Variants in EYS observed in about 807,000 individuals in gnomAD.
EYS encodes the protein protein eyes shut homolog.
In EYS, 250 loss-of-function variants were observed where a neutral mutation model predicts 282.1. That is an observed-to-expected ratio of 0.89 (90% CI 0.80 to 0.98). The LOEUF (loss-of-function observed/expected upper bound fraction) is 0.98. Among genes scored for constraint, EYS ranks in the 50% least tolerant of loss-of-function variants. The probability of loss-of-function intolerance (pLI) is 0.00; values close to 1 mark genes in which losing one functional copy is unlikely to be tolerated. For synonymous variants in EYS, 1,355 were observed against 1,282.9 expected, an observed-to-expected ratio of 1.06 and a Z score of -1.20; for missense variants, 4,016 against 3,709.0, an observed-to-expected ratio of 1.08 and a Z score of -2.15.
At chr6:65,472,576 T>C (rs996839862) in intron 5 of EYS, among the ~76,000 whole-genome samples, 60 of 152,112 alleles carry the variant, frequency 3.9e-4, no homozygotes, top group Non-Finnish European at 1.2e-4. Flanking sequence ...CAGTAAAGTA[T>C]AGGATCCAAT....
chr6:64,125,785 C>CAAA (rs920132590), intron 31 of EYS, among the ~76,000 whole-genome samples: 636 of 49,930 alleles, frequency 0.013, 17 homozygotes, highest in African/African-American at 0.037. Flanking sequence ...GACTCCGTCT[C>CAAA]AAAAAAAAAA....
At chr6:64,611,889 C>A (rs984730267) in intron 24 of EYS, among the ~76,000 whole-genome samples, 1 of 152,016 alleles carries the variant, frequency 6.6e-6, no homozygotes, top group Non-Finnish European at 1.5e-5. Context: ...AAGAGCATTA[C>A]GAGTTTGTCT....
At chr6:65,459,563 G>A (rs922946966) in intron 5 of EYS, among the ~76,000 whole-genome samples, 19 of 151,952 alleles carry the variant, frequency 1.3e-4, no homozygotes, top group African/African-American at 4.3e-4. Context: ...TTTAATGAAT[G>A]AAAAGATAAA....
chr6:64,117,380 G>A (rs1221931075), intron 31 of EYS, among the ~76,000 whole-genome samples: 1 of 146,836 alleles, frequency 6.8e-6, no homozygotes, highest in Non-Finnish European at 1.5e-5. Flanking sequence ...CAGAAATGAA[G>A]GAAATAGAAA....
chr6:64,230,199 G>T (rs1003046698), intron 31 of EYS, among the ~76,000 whole-genome samples: 4 of 151,972 alleles, frequency 2.6e-5, no homozygotes, highest in African/African-American at 9.7e-5. Context: ...ATGAGGATTT[G>T]CATATGAAGT....
intron 6 of EYS, among the ~76,000 whole-genome samples, chr6:65,403,695 A>G (rs905853395): frequency 6.6e-6 from 1 of 151,994 alleles, no homozygotes; most frequent in African/African-American, 2.4e-5. Context: ...AATAATGAGA[A>G]TATTAAATAG....
intron 29 of EYS, among the ~76,000 whole-genome samples, chr6:64,349,026 C>T (rs1226870856): frequency 2.0e-5 from 3 of 151,334 alleles, no homozygotes; most frequent in Non-Finnish European, 4.4e-5. Flanking sequence ...AGACTGAATA[C>T]AGTATTCCAT....
At chr6:64,022,733 C>A (rs553691489) in intron 33 of EYS, among the ~76,000 whole-genome samples, 36 of 152,316 alleles carry the variant, frequency 2.4e-4, no homozygotes, top group Admixed American at 1.1e-3. Flanking sequence ...TGCTGTGACT[C>A]TAAGAATAGT....
chr6:64,562,023 G>C (rs1469498972), intron 26 of EYS, among the ~76,000 whole-genome samples: 3 of 150,592 alleles, frequency 2.0e-5, no homozygotes, highest in African/African-American at 7.3e-5. Context: ...AACCAAAACA[G>C]CATGGTACTA....
At position 64,830,475 on chromosome 6, in the gene EYS, A is replaced by G. The variant is rs545235109; in HGVS notation, c.2993-7653T>C. Among the ~76,000 whole-genome samples the G allele has an allele frequency of 9.4e-4, 143 of 152,148 alleles. 1 individual carries two copies. The highest frequency in any genetic ancestry group is 3.2e-3 in the African/African-American group (131 of 41,558). On this transcript the variant is annotated intron_variant, in intron 19 of 42. Transcript: ENST00000503581. ...TCATTCATGAACAAACAAAAAAGTC[A>G]TAGCCTTACTAGGAGATTAACTGTC...
chr6:63,791,287 C>T (rs749991915), intron 37 of EYS, among the ~76,000 whole-genome samples: 4 of 151,874 alleles, frequency 2.6e-5, no homozygotes, highest in Admixed American at 6.6e-5. Context: ...CTGCTGGGGC[C>T]GGGCACGGTG....
intron 12 of EYS, among the ~76,000 whole-genome samples, chr6:65,231,187 GA>G (rs1334883641): frequency 3.2e-5 from 2 of 62,220 alleles, no homozygotes; most frequent in Non-Finnish European, 7.0e-5. Flanking sequence ...TATATATAAA[GA>G]AAATATATAT....
chr6:64,938,851 T>C (rs1303441816), intron 15 of EYS, among the ~76,000 whole-genome samples: 1 of 151,712 alleles, frequency 6.6e-6, no homozygotes, highest in Non-Finnish European at 1.5e-5. Flanking sequence ...TTAAGGGATA[T>C]GTGTAACCCT....
intron 30 of EYS, among the ~76,000 whole-genome samples, chr6:64,275,161 T>C (rs993904467): frequency 1.3e-5 from 2 of 152,234 alleles, no homozygotes; most frequent in African/African-American, 4.8e-5. Flanking sequence ...GAAATATCTG[T>C]AAACAGGAAG....
At position 64,500,723 on chromosome 6, in the gene EYS, A is replaced by T. The variant is rs141171787; in HGVS notation, c.5645-61371T>A. Among the ~76,000 whole-genome samples, 25 of 152,262 alleles carry T rather than the reference A, an allele frequency of 1.6e-4. No homozygotes were observed. In the East Asian group the frequency reaches 4.4e-3, roughly 27 times the overall value. ...ATAAACATTTTAAATTCAAATGCAG[A>T]GTGTGGTAAATTGTTACCACAGAGA... is the stretch of plus-strand genomic sequence containing the variant. On this transcript the variant is annotated intron_variant, in intron 26 of 42. Transcript: ENST00000503581.
At chr6:64,144,855 C>T (rs568510932) in intron 31 of EYS, among the ~76,000 whole-genome samples, 2 of 152,200 alleles carry the variant, frequency 1.3e-5, no homozygotes, top group South Asian at 4.1e-4. Flanking sequence ...GGAAAAAATG[C>T]TCTTTTTTTC....
At position 64,647,715 on chromosome 6, in the gene EYS, G is replaced by GA. The variant is rs1055046741; in HGVS notation, c.3444-21471dup. On this transcript the variant is annotated intron_variant, in intron 22 of 42. Coordinates refer to ENST00000503581, the MANE Select transcript of EYS (RefSeq NM_001142800.2). ...TTATATTAAAACTCAGTTAAATAAA[G>GA]AAAAAAAACGCTAGTATTCTTCAAA... Among the ~76,000 whole-genome samples the GA allele has an allele frequency of 2.4e-4, 37 of 151,436 alleles. 1 individual carries two copies. The East Asian group carries it at 4.1e-3, about 17-fold the overall frequency.
chr6:63,904,733 G>A (rs1008407908), intron 35 of EYS, among the ~76,000 whole-genome samples: 4 of 152,298 alleles, frequency 2.6e-5, no homozygotes, highest in South Asian at 2.1e-4. Flanking sequence ...GTTTTGCCTG[G>A]AGAAGCAACA....
chr6:65,154,636 G>A (rs952575881), intron 12 of EYS, among the ~76,000 whole-genome samples: 1 of 151,542 alleles, frequency 6.6e-6, no homozygotes, highest in South Asian at 2.1e-4. Flanking sequence ...AGAAGAGCAG[G>A]AGAACTTTTA....
Sources: gnomAD v4.1 joint callset for allele counts (sites outside exome capture counted in the v4.1 genomes callset) on GRCh38, gnomAD v4.1.1 for gene constraint, MANE v1.5 for transcripts, NCBI Gene and HGNC (gene_info 2026-07-23, HGNC 2026-07-21) for gene names.